Variants in PIK3CB observed in about 807,000 individuals in gnomAD.
The protein encoded by PIK3CB is phosphatidylinositol-4,5-bisphosphate 3-kinase catalytic subunit beta.
PIK3CB carries 39 observed loss-of-function variants against 136.8 expected under a neutral mutation model. The ratio of observed to expected loss-of-function variants is 0.29; its 90% CI spans 0.22 to 0.37. The LOEUF (loss-of-function observed/expected upper bound fraction) is 0.37. Among genes scored for constraint, PIK3CB ranks in the 10% least tolerant of loss-of-function variants. The pLI is 1.00. For synonymous variants in PIK3CB, 428 were observed against 436.6 expected (o/e 0.98, Z 0.25); for missense variants, 868 against 1,275.4 (o/e 0.68, Z 4.87).
At chr3:138,661,190 G>C (rs1396262742) in intron 21 of PIK3CB, among the ~76,000 whole-genome samples, 1 of 152,200 alleles carries the variant, frequency 6.6e-6, no homozygotes, top group Non-Finnish European at 1.5e-5. Context: ...AAATAAGTGT[G>C]CTTGAGTCAG....
intron 2 of PIK3CB, chr3:138,778,269 C>A: frequency 2.5e-6 from 1 of 403,264 alleles, no homozygotes. Flanking sequence ...TCCCAGCAAA[C>A]CTTCTATACC....
At chr3:138,782,359 C>G (rs147614729) in intron 2 of PIK3CB, among the ~76,000 whole-genome samples, 5 of 152,102 alleles carry the variant, frequency 3.3e-5, no homozygotes, top group Non-Finnish European at 7.4e-5. Context: ...TGGAACAAGG[C>G]GAATGAAGAA....
chr3:138,704,282 G>T (rs1355748898), intron 12 of PIK3CB, among the ~76,000 whole-genome samples, 161 bp downstream of exon 12: 1 of 152,176 alleles, frequency 6.6e-6, no homozygotes, highest in Non-Finnish European at 1.5e-5. Flanking sequence ...AAATTGGGCT[G>T]CCATTTAACA....
intron 1 of PIK3CB, among the ~76,000 whole-genome samples, chr3:138,812,588 T>C (rs1322382777): frequency 6.7e-6 from 1 of 150,046 alleles, no homozygotes; most frequent in Non-Finnish European, 1.5e-5. Context: ...AGTGCAATGG[T>C]ATGACCTCAG....
intron 4 of PIK3CB, among the ~76,000 whole-genome samples, chr3:138,752,561 T>C (rs1417583881): frequency 6.6e-6 from 1 of 152,030 alleles, no homozygotes; most frequent in African/African-American, 2.4e-5. Context: ...ATACAAAAAT[T>C]AGGTGGGCGT....
intron 2 of PIK3CB, among the ~76,000 whole-genome samples, chr3:138,765,395 T>C (rs2045720562): frequency 6.6e-6 from 1 of 152,124 alleles, no homozygotes; most frequent in South Asian, 2.1e-4. Flanking sequence ...ACAGGAAAAC[T>C]TGAACCTTGC....
chr3:138,670,994 TTA>T (rs1397078079), intron 19 of PIK3CB, among the ~76,000 whole-genome samples: 2 of 152,202 alleles, frequency 1.3e-5, no homozygotes, highest in African/African-American at 2.4e-5. Context: ...TTAGGCACCA[TTA>T]TACTCTGATA....
intron 1 of PIK3CB, among the ~76,000 whole-genome samples, chr3:138,821,294 CA>C: frequency 7.9e-6 from 1 of 126,848 alleles, no homozygotes; most frequent in East Asian, 2.1e-4. Context: ...AAAAAAAAAA[CA>C]AAAAACAAAA....
intron 2 of PIK3CB, among the ~76,000 whole-genome samples, chr3:138,789,787 CA>C (rs1173326930): frequency 4.0e-5 from 6 of 149,722 alleles, no homozygotes; most frequent in Non-Finnish European, 7.4e-5. Flanking sequence ...CTCCTGGACT[CA>C]GGGGTGATTA....
intron 10 of PIK3CB, among the ~76,000 whole-genome samples, chr3:138,711,505 G>A (rs940704276): frequency 2.5e-4 from 38 of 149,670 alleles, no homozygotes; most frequent in Non-Finnish European, 3.0e-4. Context: ...CTTGAACCTG[G>A]GAGGCAGAGG....
chr3:138,802,610 C>T (rs1483271022), intron 1 of PIK3CB, among the ~76,000 whole-genome samples: 1 of 151,910 alleles, frequency 6.6e-6, no homozygotes, highest in Non-Finnish European at 1.5e-5. Flanking sequence ...AAGTTTTGAC[C>T]TTCCAGAGCT....
At chr3:138,771,726 G>A (rs536417137) in intron 2 of PIK3CB, among the ~76,000 whole-genome samples, 1 of 152,128 alleles carries the variant, frequency 6.6e-6, no homozygotes, top group South Asian at 2.1e-4. Flanking sequence ...GCACCAGCCT[G>A]GGCAACATAG....
At chr3:138,707,605 GC>G (rs756309600) in intron 10 of PIK3CB, 4 of 1,070,298 alleles carry the variant, frequency 3.7e-6, no homozygotes, top group Non-Finnish European at 4.5e-6. Flanking sequence ...AAATTAGGTG[GC>G]CCATAGAAAC....
chr3:138,701,512 C>A (rs1006468673), intron 12 of PIK3CB, among the ~76,000 whole-genome samples: 4 of 151,988 alleles, frequency 2.6e-5, no homozygotes, highest in African/African-American at 4.8e-5. Flanking sequence ...TGTGGCCGGG[C>A]GTGGTGGCTG....
chr3:138,662,242 C>T (rs1027232859), intron 21 of PIK3CB, among the ~76,000 whole-genome samples: 1 of 144,496 alleles, frequency 6.9e-6, no homozygotes, highest in Non-Finnish European at 1.5e-5. Flanking sequence ...GGTATATCTC[C>T]TAATGCTATC....
intron 2 of PIK3CB, among the ~76,000 whole-genome samples, chr3:138,784,397 G>C (rs946006149): frequency 2.6e-5 from 4 of 151,770 alleles, no homozygotes; most frequent in African/African-American, 7.3e-5. Context: ...ACAAAAAAAG[G>C]CTCTCCCTCT....
At chr3:138,765,042 G>T (rs2045712974) in intron 2 of PIK3CB, among the ~76,000 whole-genome samples, 1 of 152,174 alleles carries the variant, frequency 6.6e-6, no homozygotes, top group Admixed American at 6.5e-5. Context: ...TTTGTAAGAA[G>T]GAGGCCGGGC....
chr3:138,792,340 T>C (rs560494400), intron 2 of PIK3CB, among the ~76,000 whole-genome samples: 1 of 99,610 alleles, frequency 1.0e-5, no homozygotes, highest in Admixed American at 1.2e-4. Flanking sequence ...TTGTATTAGG[T>C]ATTATAATTT....
intron 8 of PIK3CB, among the ~76,000 whole-genome samples, chr3:138,718,048 C>T (rs915153909): frequency 6.6e-6 from 1 of 152,140 alleles, no homozygotes; most frequent in African/African-American, 2.4e-5. Flanking sequence ...TGGGTATATA[C>T]CCAGTAATAG....
Sources: gnomAD v4.1 joint callset for allele counts (sites outside exome capture counted in the v4.1 genomes callset) on GRCh38, gnomAD v4.1.1 for gene constraint, MANE v1.5 for transcripts, NCBI Gene and HGNC (gene_info 2026-07-23, HGNC 2026-07-21) for gene names.